FOXP1: variants seen among roughly 807,000 people sequenced by gnomAD.
FOXP1 encodes the protein forkhead box P1.
In FOXP1, 15 loss-of-function variants were observed where a neutral mutation model predicts 98.2. That is an observed-to-expected ratio of 0.15 (90% confidence interval 0.10 to 0.24). The LOEUF is 0.24. Among genes scored for constraint, FOXP1 ranks in the 10% least tolerant of loss-of-function variants. The pLI is 1.00. For synonymous variants in FOXP1, 371 were observed against 314.5 expected, an observed-to-expected ratio of 1.18 and a Z score of -1.90; for missense variants, 633 against 848.5, an observed-to-expected ratio of 0.75 and a Z score of 3.15.
intron 5 of FOXP1, among the ~76,000 whole-genome samples, chr3:71,228,295 TTAAA>T (rs1246424846): frequency 6.6e-6 from 1 of 152,114 alleles, no homozygotes; most frequent in Non-Finnish European, 1.5e-5. Context: ...AATTATTGGG[TTAAA>T]TAAAGACATG....
At chr3:71,377,132 C>T (rs1290297991) in intron 3 of FOXP1, among the ~76,000 whole-genome samples, 1 of 152,080 alleles carries the variant, frequency 6.6e-6, no homozygotes, top group Admixed American at 6.5e-5. Flanking sequence ...TTCAGCGGGC[C>T]ACAGACTCAC....
At chr3:71,452,065 G>A (rs1039476360) in intron 3 of FOXP1, among the ~76,000 whole-genome samples, 3 of 152,102 alleles carry the variant, frequency 2.0e-5, no homozygotes, top group East Asian at 1.9e-4. Context: ...AAAAGTCAGC[G>A]CCAGGAGGGT....
chr3:71,003,631 G>C (rs2042392030), intron 12 of FOXP1, among the ~76,000 whole-genome samples: 1 of 152,066 alleles, frequency 6.6e-6, no homozygotes, highest in African/African-American at 2.4e-5. Context: ...TAAATAAGTA[G>C]CTTGCCGGCA....
At chr3:71,537,776 C>T (rs765299012) in intron 2 of FOXP1, among the ~76,000 whole-genome samples, 5 of 152,246 alleles carry the variant, frequency 3.3e-5, no homozygotes, top group Admixed American at 3.3e-4. Flanking sequence ...TGGCAAACTA[C>T]TAGCCTGTAG....
At chr3:71,135,033 C>T (rs528546004) in intron 6 of FOXP1, among the ~76,000 whole-genome samples, 52 of 152,078 alleles carry the variant, frequency 3.4e-4, no homozygotes, top group African/African-American at 1.1e-3. Context: ...CCGAGGTGGG[C>T]GGATCACGAG....
At chr3:71,478,131 C>G (rs2089997509) in intron 3 of FOXP1, among the ~76,000 whole-genome samples, 2 of 152,218 alleles carry the variant, frequency 1.3e-5, no homozygotes, top group South Asian at 4.1e-4. Flanking sequence ...CTTCCAGATT[C>G]CACATCTTCT....
chr3:70,976,929 G>C lies in FOXP1; in HGVS notation c.1530+12C>G. 6.3e-7 allele frequency: 1 copy of C among 1,598,988 alleles called. No homozygotes were observed. The highest frequency in any genetic ancestry group is 8.6e-7 in the Non-Finnish European group (1 of 1,166,278). On this transcript the variant is annotated intron_variant, in intron 17 of 20. Coordinates refer to ENST00000649528, the MANE Select transcript of FOXP1 (RefSeq NM_001349338.3). The stretch of plus-strand genomic sequence containing the variant: ...TCAAGATCCAAGAATAAACAGGCCT[G>C]AGAAAGCTTACCTTCCACGTGGCCG...
chr3:71,577,226 T>C (rs546745827), intron 2 of FOXP1, among the ~76,000 whole-genome samples: 13 of 152,198 alleles, frequency 8.5e-5, no homozygotes, highest in Non-Finnish European at 1.9e-4. Context: ...CTGACTGCCA[T>C]GCACTTTCCC....
At chr3:71,528,115 C>A (rs970223841) in intron 2 of FOXP1, among the ~76,000 whole-genome samples, 2 of 152,144 alleles carry the variant, frequency 1.3e-5, no homozygotes, top group Non-Finnish European at 2.9e-5. Flanking sequence ...AGATCCCCAA[C>A]AATGCAGTCA....
At chr3:71,402,593 G>T (rs1044055515) in intron 3 of FOXP1, among the ~76,000 whole-genome samples, 2 of 152,090 alleles carry the variant, frequency 1.3e-5, no homozygotes, top group African/African-American at 2.4e-5. Flanking sequence ...TCAAAATCGT[G>T]CCTGAATAAA....
At chr3:71,488,382 G>T (rs967930176) in intron 3 of FOXP1, among the ~76,000 whole-genome samples, 3 of 152,190 alleles carry the variant, frequency 2.0e-5, no homozygotes, top group African/African-American at 4.8e-5. Flanking sequence ...ACAGGGATGG[G>T]CTGGCTACTG....
chr3:71,192,735 G>A (rs1001833155), intron 6 of FOXP1, among the ~76,000 whole-genome samples: 20 of 151,490 alleles, frequency 1.3e-4, no homozygotes, highest in African/African-American at 4.8e-4. Context: ...CTGCGGCCTC[G>A]ACCTCCCATG....
At chr3:71,441,879 C>T (rs190958745) in intron 3 of FOXP1, among the ~76,000 whole-genome samples, 4 of 152,184 alleles carry the variant, frequency 2.6e-5, no homozygotes, top group Admixed American at 2.0e-4. Context: ...TGTTTGGATT[C>T]GAGGGGAAAT....
chr3:71,454,657 G>A (rs1439817784), intron 3 of FOXP1, among the ~76,000 whole-genome samples: 6 of 152,102 alleles, frequency 3.9e-5, no homozygotes, highest in Admixed American at 6.5e-5. Context: ...AAGGTATGAG[G>A]AGGACTGTGC....
chr3:71,009,285 A>C (rs1050705562), intron 12 of FOXP1, among the ~76,000 whole-genome samples: 7 of 151,766 alleles, frequency 4.6e-5, no homozygotes, highest in Non-Finnish European at 8.8e-5. Flanking sequence ...TCCTCAGCTA[A>C]AAATATGTTG....
intron 3 of FOXP1, among the ~76,000 whole-genome samples, chr3:71,404,930 G>C (rs1357307034): frequency 6.6e-6 from 1 of 152,178 alleles, no homozygotes; most frequent in Non-Finnish European, 1.5e-5. Context: ...CCTTTTCCCT[G>C]ATGGCAGGCA....
At chr3:71,000,638 A>G (rs2041998686) in intron 13 of FOXP1, among the ~76,000 whole-genome samples, 1 of 151,840 alleles carries the variant, frequency 6.6e-6, no homozygotes, top group African/African-American at 2.4e-5. Context: ...AGAAAATGCA[A>G]AGGAGAAGTG....
intron 6 of FOXP1, among the ~76,000 whole-genome samples, chr3:71,157,729 A>G (rs1044647938): frequency 2.0e-5 from 3 of 152,144 alleles, no homozygotes; most frequent in Admixed American, 6.5e-5. Context: ...GTTAGAGGCT[A>G]GTGATACAAA....
At chr3:71,467,489 G>A (rs1397295341) in intron 3 of FOXP1, among the ~76,000 whole-genome samples, 1 of 152,164 alleles carries the variant, frequency 6.6e-6, no homozygotes, top group African/African-American at 2.4e-5. Context: ...TCTAAGACAC[G>A]GCGGCCCTTT....
Sources: allele counts gnomAD v4.1 joint callset (sites outside exome capture counted in the v4.1 genomes callset), GRCh38; gene constraint gnomAD v4.1.1; transcripts MANE v1.5; gene names NCBI Gene and HGNC (gene_info 2026-07-23, HGNC 2026-07-21).